The following BTBD9 variants were observed in gnomAD, a reference collection of about 807,000 sequenced individuals.
BTBD9 encodes the protein BTB/POZ domain-containing protein 9.
A neutral mutation model predicts 64.3 loss-of-function variants in BTBD9; 49 were observed. That is an observed-to-expected ratio of 0.76 (90% confidence interval 0.61 to 0.97). The LOEUF (loss-of-function observed/expected upper bound fraction) is 0.97. Among genes scored for constraint, BTBD9 ranks in the 50% least tolerant of loss-of-function variants. The probability of loss-of-function intolerance (pLI) is 0.00; values close to 1 mark genes in which losing one functional copy is unlikely to be tolerated. For synonymous variants in BTBD9, 260 were observed against 274.7 expected (o/e 0.95, Z 0.53); for missense variants, 598 against 762.1 (o/e 0.78, Z 2.53).
intron 1 of BTBD9, among the ~76,000 whole-genome samples, chr6:38,636,810 G>T (rs2127537509): frequency 6.6e-6 from 1 of 152,178 alleles, no homozygotes; most frequent in South Asian, 2.1e-4. Context: ...ACAGCTTCCT[G>T]CCTCATCACT....
intron 6 of BTBD9, among the ~76,000 whole-genome samples, chr6:38,451,265 T>C (rs1228139806): frequency 6.6e-6 from 1 of 152,206 alleles, no homozygotes; most frequent in Non-Finnish European, 1.5e-5. Context: ...TACTGTGTTA[T>C]AAACATAACT....
At position 38,187,030 on chromosome 6, in the gene BTBD9, T is replaced by A. The variant is rs557834277; in HGVS notation, c.1641+5489A>T. Among the ~76,000 whole-genome samples, 4 of 152,330 alleles carry A rather than the reference T, an allele frequency of 2.6e-5. No individual in the cohort carries two copies. The South Asian group carries it at 8.3e-4, about 32-fold the overall frequency. Reference sequence around the variant, plus strand: ...CATGGGTGCACAGACTTGATCTTATTTACTCCCAGCCGGGTTTATTTAAGG... The same window carrying A: ...CATGGGTGCACAGACTTGATCTTATATACTCCCAGCCGGGTTTATTTAAGG... On this transcript the variant is annotated intron_variant, in intron 10 of 10. Coordinates refer to ENST00000481247, the MANE Select transcript of BTBD9 (RefSeq NM_001099272.2).
In BTBD9 at chr6:38,601,979, T is replaced by A. The variant is rs16890867; in HGVS notation, c.-27-3858A>T. ...CATGTAACATGTAGTAATAAACTCATAGGACATGTAAGGAAATTATAAAAC... is the reference window on the plus strand; with the variant it reads ...CATGTAACATGTAGTAATAAACTCAAAGGACATGTAAGGAAATTATAAAAC... On this transcript the variant is annotated intron_variant, in intron 1 of 10. Transcript: ENST00000481247. Among the ~76,000 whole-genome samples the A allele has an allele frequency of 4.2e-3, 638 of 152,186 alleles. 9 individuals carry two copies. The highest frequency in any genetic ancestry group is 0.015 in the African/African-American group (605 of 41,538).
chr6:38,479,389 A>C (rs1055288687), intron 6 of BTBD9, among the ~76,000 whole-genome samples: 1 of 152,232 alleles, frequency 6.6e-6, no homozygotes, highest in African/African-American at 2.4e-5. Context: ...AGCATAAAAA[A>C]AATCATTTCC....
At chr6:38,308,074 T>C (rs764313192) in intron 7 of BTBD9, among the ~76,000 whole-genome samples, 12 of 152,256 alleles carry the variant, frequency 7.9e-5, no homozygotes, top group African/African-American at 9.6e-5. Flanking sequence ...TACTCTCTTA[T>C]GTGCAGTTTG....
intron 6 of BTBD9, among the ~76,000 whole-genome samples, chr6:38,374,789 T>A (rs1765618824): frequency 6.6e-6 from 1 of 152,190 alleles, no homozygotes; most frequent in Non-Finnish European, 1.5e-5. Flanking sequence ...GACCTATGGA[T>A]ACCCCCACTG....
At chr6:38,469,090 T>TAA (rs923564402) in intron 6 of BTBD9, among the ~76,000 whole-genome samples, 1 of 146,122 alleles carries the variant, frequency 6.8e-6, no homozygotes, top group Non-Finnish European at 1.5e-5. Context: ...AAAGTTGCAT[T>TAA]AAAAAAAAAA....
chr6:38,410,845 T>C (rs1047353129), intron 6 of BTBD9, among the ~76,000 whole-genome samples: 1 of 152,100 alleles, frequency 6.6e-6, no homozygotes, highest in African/African-American at 2.4e-5. Context: ...CTGGGTAACA[T>C]AGTGAGACCC....
intron 9 of BTBD9, among the ~76,000 whole-genome samples, chr6:38,237,918 G>A (rs769458786): frequency 3.7e-4 from 56 of 152,000 alleles, no homozygotes; most frequent in Non-Finnish European, 4.9e-4. Context: ...CAAAAAGACT[G>A]CTTGAGGCCA....
intron 6 of BTBD9, among the ~76,000 whole-genome samples, chr6:38,460,128 G>A (rs937115376): frequency 1.3e-5 from 2 of 152,184 alleles, no homozygotes; most frequent in Non-Finnish European, 2.9e-5. Context: ...TAACACCTAA[G>A]TTAACAGACT....
intron 6 of BTBD9, among the ~76,000 whole-genome samples, chr6:38,494,061 T>C (rs1771824632): frequency 1.3e-5 from 2 of 152,220 alleles, no homozygotes; most frequent in Non-Finnish European, 2.9e-5. Context: ...ATCCTTTATC[T>C]TTTTACTGAG....
intron 6 of BTBD9, among the ~76,000 whole-genome samples, chr6:38,401,218 G>A (rs878949068): frequency 2.0e-5 from 3 of 152,138 alleles, no homozygotes; most frequent in Admixed American, 1.3e-4. Flanking sequence ...GAGTTCTCAC[G>A]AGAGATGATG....
At chr6:38,424,224 T>C (rs779956137) in intron 6 of BTBD9, among the ~76,000 whole-genome samples, 28 of 152,016 alleles carry the variant, frequency 1.8e-4, no homozygotes, top group African/African-American at 5.8e-4. Flanking sequence ...TAAAAGTCTC[T>C]GGTTCCTTTA....
intron 9 of BTBD9, among the ~76,000 whole-genome samples, chr6:38,198,524 C>T (rs964781249): frequency 6.6e-6 from 1 of 152,232 alleles, no homozygotes; most frequent in East Asian, 1.9e-4. Flanking sequence ...CTTGTTTTGC[C>T]TTCTCTGAGG....
At position 38,517,252 on chromosome 6, in the gene BTBD9, T is replaced by G. The variant is rs145765766; in HGVS notation, c.1154+60348A>C. Among the ~76,000 whole-genome samples, 422 of 152,344 alleles carry G rather than the reference T, an allele frequency of 2.8e-3. 1 individual carries two copies. Among genetic ancestry groups the G allele is most frequent in the African/African-American group, 8.5e-3 (352 of 41,578 alleles). On this transcript the variant is annotated intron_variant, in intron 6 of 10. Coordinates refer to ENST00000481247, the MANE Select transcript of BTBD9 (RefSeq NM_001099272.2). ...GTAAACCAGTTCATAAGGTTAAACT[T>G]TAGAGCTTTGGATAACAAAAGCAGT...
At chr6:38,299,629 G>T (rs981297973) in intron 7 of BTBD9, among the ~76,000 whole-genome samples, 10 of 152,044 alleles carry the variant, frequency 6.6e-5, no homozygotes, top group African/African-American at 2.4e-4. Context: ...ATTTTTTCAT[G>T]TGTTTTTTGG....
At chr6:38,387,501 C>T (rs1766230288) in intron 6 of BTBD9, among the ~76,000 whole-genome samples, 1 of 152,138 alleles carries the variant, frequency 6.6e-6, no homozygotes, top group Admixed American at 6.5e-5. Context: ...CACGCCACTG[C>T]ACTCCAGCCT....
intron 9 of BTBD9, among the ~76,000 whole-genome samples, chr6:38,227,092 C>A (rs965896096): frequency 2.0e-5 from 3 of 152,154 alleles, no homozygotes; most frequent in African/African-American, 7.2e-5. Context: ...GCTTGCTCAC[C>A]CACTGTGTGC....
intron 1 of BTBD9, among the ~76,000 whole-genome samples, chr6:38,605,505 T>C (rs1312396393): frequency 2.0e-5 from 3 of 152,204 alleles, no homozygotes; most frequent in Non-Finnish European, 4.4e-5. Context: ...TACTTGTGCA[T>C]GGGAAGTATT....
Sources: allele counts gnomAD v4.1 joint callset (sites outside exome capture counted in the v4.1 genomes callset), GRCh38; gene constraint gnomAD v4.1.1; transcripts MANE v1.5; gene names NCBI Gene and HGNC (gene_info 2026-07-23, HGNC 2026-07-21).